KALRN: variants seen among roughly 807,000 people sequenced by gnomAD.
KALRN encodes the protein kalirin RhoGEF kinase.
KALRN carries 70 observed loss-of-function variants against 353.7 expected under a neutral mutation model. The ratio of observed to expected loss-of-function variants is 0.20; its 90% CI spans 0.16 to 0.24. The LOEUF (loss-of-function observed/expected upper bound fraction) is 0.24. Ranked by LOEUF, KALRN falls within the 10% of genes least tolerant of loss-of-function variation. The pLI, the probability that KALRN is intolerant of heterozygous loss-of-function variation, is 1.00. For synonymous variants in KALRN, 1,391 were observed against 1,434.8 expected, an observed-to-expected ratio of 0.97 and a Z score of 0.69; for missense variants, 2,791 against 3,756.7, an observed-to-expected ratio of 0.74 and a Z score of 6.72.
At chr3:124,657,372 G>T in intron 39 of KALRN, 76 bp from the exon 40 acceptor site, 1 of 941,148 alleles carries the variant, frequency 1.1e-6, no homozygotes, top group South Asian at 1.4e-5. Flanking sequence ...GCTTGCAGGG[G>T]TGCTGTGGTG....
intron 33 of KALRN, chr3:124,519,219 T>C (rs1278600294): frequency 1.0e-6 from 1 of 973,382 alleles, no homozygotes. Flanking sequence ...AAGATATAAA[T>C]GAAAAACTGG....
chr3:124,593,626 C>T lies in KALRN; in HGVS notation c.5182+30537C>T, dbSNP rs1284031922. On this transcript the variant is annotated intron_variant, in intron 34 of 59. Transcript: ENST00000682506. ...CCTCCTCTCCCCAGCTCCAGCAAAA[C>T]ATTCCATAATGGAAGGCTCCCTGTG... is the stretch of plus-strand genomic sequence containing the variant. Among the ~76,000 whole-genome samples, 3 of 152,170 alleles carry T rather than the reference C, an allele frequency of 2.0e-5. No individual in the cohort carries two copies. The East Asian group carries it at 5.8e-4, about 29-fold the overall frequency.
At chr3:124,236,173 G>T (rs1055703204) in intron 3 of KALRN, among the ~76,000 whole-genome samples, 8 of 152,006 alleles carry the variant, frequency 5.3e-5, no homozygotes, top group Admixed American at 5.2e-4. Context: ...GATATCCACT[G>T]GGAACAGAAA....
intron 10 of KALRN, among the ~76,000 whole-genome samples, chr3:124,372,492 A>AGTATG (rs146360759): frequency 4.6e-5 from 7 of 151,310 alleles, no homozygotes; most frequent in Admixed American, 4.6e-4. Flanking sequence ...TCTTATCTAT[A>AGTATG]ATATAATAGC....
chr3:124,229,619 C>A (rs377561349), intron 2 of KALRN, among the ~76,000 whole-genome samples: 1 of 152,154 alleles, frequency 6.6e-6, no homozygotes, highest in African/African-American at 2.4e-5. Flanking sequence ...GAAGAGGAGG[C>A]GGGAAGAGGA....
intron 57 of KALRN, among the ~76,000 whole-genome samples, chr3:124,707,394 TTTCCTTCC>T (rs368400674): frequency 0.045 from 6,332 of 140,710 alleles, 180 homozygotes; most frequent in South Asian, 0.11. Context: ...AGAATAGCAG[TTTCCTTCC>T]TTCCTTCCTT....
chr3:124,145,243 TCTA>T (rs1233540863), intron 1 of KALRN, among the ~76,000 whole-genome samples: 4 of 152,168 alleles, frequency 2.6e-5, no homozygotes, highest in Non-Finnish European at 4.4e-5. Context: ...CCCTCATTCA[TCTA>T]CTCAACAAAC....
intron 3 of KALRN, among the ~76,000 whole-genome samples, chr3:124,260,690 G>A (rs2072722276): frequency 6.6e-6 from 1 of 152,016 alleles, no homozygotes; most frequent in Non-Finnish European, 1.5e-5. Flanking sequence ...AGTCATCTTG[G>A]CTCCTGGGGT....
chr3:124,599,555 G>A (rs16835642), intron 34 of KALRN, among the ~76,000 whole-genome samples: 23,503 of 152,124 alleles, frequency 0.15, 1,944 homozygotes, highest in Middle Eastern at 0.19. Context: ...TGCGATAACT[G>A]TTATTCAGGG....
intron 1 of KALRN, among the ~76,000 whole-genome samples, chr3:124,159,268 C>T (rs758386885): frequency 4.6e-5 from 7 of 152,158 alleles, no homozygotes; most frequent in Admixed American, 3.3e-4. Flanking sequence ...TTCTTTCTTT[C>T]GTTTTTGTTT....
chr3:124,317,310 CT>C (rs1033891513), intron 6 of KALRN, among the ~76,000 whole-genome samples: 1 of 152,186 alleles, frequency 6.6e-6, no homozygotes, highest in Non-Finnish European at 1.5e-5. Context: ...TAGCTCTGTA[CT>C]TCCTTCTTAG....
At chr3:124,332,928 G>T (rs910614419) in intron 8 of KALRN, among the ~76,000 whole-genome samples, 6 of 152,084 alleles carry the variant, frequency 3.9e-5, no homozygotes, top group African/African-American at 1.4e-4. Flanking sequence ...TTCTCATGCC[G>T]CTAATAAAGA....
intron 51 of KALRN, among the ~76,000 whole-genome samples, chr3:124,680,018 C>A (rs16835851): frequency 2.0e-5 from 3 of 152,012 alleles, no homozygotes; most frequent in Non-Finnish European, 4.4e-5. Flanking sequence ...AGAAAAATAA[C>A]GGGTGAAGTA....
At chr3:124,360,239 G>A (rs73858428) in intron 10 of KALRN, among the ~76,000 whole-genome samples, 1 of 152,192 alleles carries the variant, frequency 6.6e-6, no homozygotes, top group South Asian at 2.1e-4. Flanking sequence ...CTTAGGAACA[G>A]GACAAAATTG....
chr3:124,338,237 A>G (rs898063357), intron 9 of KALRN, among the ~76,000 whole-genome samples: 1 of 152,078 alleles, frequency 6.6e-6, no homozygotes, highest in Non-Finnish European at 1.5e-5. Flanking sequence ...TACAGTGTCA[A>G]TTTTAGATCT....
intron 34 of KALRN, among the ~76,000 whole-genome samples, chr3:124,571,871 G>A (rs1308414185): frequency 6.6e-6 from 1 of 151,510 alleles, no homozygotes; most frequent in South Asian, 2.1e-4. Flanking sequence ...CAAGCAATCT[G>A]CCTGCCTTGG....
intron 1 of KALRN, among the ~76,000 whole-genome samples, chr3:124,178,511 T>C (rs12488684): frequency 0.55 from 83,821 of 152,072 alleles, 25,382 homozygotes; most frequent in Non-Finnish European, 0.68. Context: ...TGGTATAGCC[T>C]ATCATTCCTT....
chr3:124,365,374 G>A (rs934285885), intron 10 of KALRN, among the ~76,000 whole-genome samples: 1 of 152,156 alleles, frequency 6.6e-6, no homozygotes, highest in African/African-American at 2.4e-5. Context: ...TCACTGTTGT[G>A]TCTCTCCCAA....
At chr3:124,069,633 A>G (rs760252260) in intron 1 of KALRN, among the ~76,000 whole-genome samples, 12 of 152,230 alleles carry the variant, frequency 7.9e-5, no homozygotes, top group Admixed American at 1.3e-4. Flanking sequence ...TCATTGTGCA[A>G]TGGGGAACCA....
Sources: gnomAD v4.1 joint callset for allele counts (sites outside exome capture counted in the v4.1 genomes callset) on GRCh38, gnomAD v4.1.1 for gene constraint, MANE v1.5 for transcripts, NCBI Gene and HGNC (gene_info 2026-07-23, HGNC 2026-07-21) for gene names.